Variants in FRMD4B observed in about 807,000 individuals in gnomAD.
The protein encoded by FRMD4B is FERM domain containing 4B.
Under a neutral mutation model 141.5 loss-of-function variants are expected in FRMD4B, and 74 were observed. That is an observed-to-expected ratio of 0.52 (90% confidence interval 0.43 to 0.63). The LOEUF is 0.63. Among genes scored for constraint, FRMD4B ranks in the 30% least tolerant of loss-of-function variants. The pLI, the probability that FRMD4B is intolerant of heterozygous loss-of-function variation, is 0.00. For synonymous variants in FRMD4B, 506 were observed against 467.9 expected, an observed-to-expected ratio of 1.08 and a Z score of -1.05; for missense variants, 1,366 against 1,253.4, an observed-to-expected ratio of 1.09 and a Z score of -1.36.
At chr3:69,507,248 A>G (rs1030376586) in intron 1 of FRMD4B, among the ~76,000 whole-genome samples, 2 of 152,172 alleles carry the variant, frequency 1.3e-5, no homozygotes, top group African/African-American at 4.8e-5. Context: ...ATCCAGAGTT[A>G]TTCAGTGAAA....
chr3:69,256,775 A>C (rs1272542730), intron 5 of FRMD4B, among the ~76,000 whole-genome samples: 1 of 152,184 alleles, frequency 6.6e-6, no homozygotes, highest in Non-Finnish European at 1.5e-5. Context: ...CCCCCTAGAA[A>C]GCCAGGCCAT....
rs528984917 is a variant in FRMD4B, at chr3:69,427,784, T to A, written c.-1+4850A>T. On this transcript the variant is annotated intron_variant, in intron 2 of 5. Coordinates refer to the FRMD4B transcript ENST00000459638. Reference sequence around the variant, plus strand: ...AATTCTCCTGCCTCAGCCTCCCAAGTAGCTGGGATTACAGGCATGTGCCAC... The same window carrying A: ...AATTCTCCTGCCTCAGCCTCCCAAGAAGCTGGGATTACAGGCATGTGCCAC... Among the ~76,000 whole-genome samples, 55 of 149,934 alleles carry A rather than the reference T, an allele frequency of 3.7e-4. No individual in the cohort carries two copies. The East Asian group carries it at 0.011, about 29-fold the overall frequency.
At chr3:69,275,007 T>C (rs111719346) in intron 5 of FRMD4B, among the ~76,000 whole-genome samples, 1 of 152,310 alleles carries the variant, frequency 6.6e-6, no homozygotes, top group African/African-American at 2.4e-5. Context: ...GGCTGCATAC[T>C]GATTCTTAAA....
At chr3:69,181,871 C>CT (rs2092712049) in intron 20 of FRMD4B, among the ~76,000 whole-genome samples, 161 bp from the exon 21 acceptor site, 1 of 152,136 alleles carries the variant, frequency 6.6e-6, no homozygotes, top group African/African-American at 2.4e-5. Flanking sequence ...TTCTCCAAAT[C>CT]TGTTGGCTCA....
At chr3:69,438,109 C>T (rs2106853967) in intron 1 of FRMD4B, among the ~76,000 whole-genome samples, 1 of 146,264 alleles carries the variant, frequency 6.8e-6, no homozygotes, top group East Asian at 2.0e-4. Flanking sequence ...ATAGTATATA[C>T]ATATATACTG....
intron 5 of FRMD4B, among the ~76,000 whole-genome samples, chr3:69,260,656 G>A (rs2093520948): frequency 6.6e-6 from 1 of 152,258 alleles, no homozygotes; most frequent in African/African-American, 2.4e-5. Flanking sequence ...TGCGGGACTG[G>A]CGGGAAACTC....
intron 1 of FRMD4B, among the ~76,000 whole-genome samples, chr3:69,455,343 C>G (rs558310852): frequency 2.6e-5 from 4 of 152,186 alleles, no homozygotes; most frequent in Non-Finnish European, 5.9e-5. Flanking sequence ...TTTGCAGTTG[C>G]TTGTTATTTG....
intron 1 of FRMD4B, among the ~76,000 whole-genome samples, chr3:69,354,793 A>G (rs1326258022): frequency 1.3e-5 from 2 of 152,160 alleles, no homozygotes; most frequent in Non-Finnish European, 2.9e-5. Flanking sequence ...TATGACCACA[A>G]TATACTGTCT....
intron 1 of FRMD4B, among the ~76,000 whole-genome samples, chr3:69,503,928 A>G (rs777892648): frequency 2.0e-5 from 3 of 152,220 alleles, no homozygotes; most frequent in African/African-American, 4.8e-5. Context: ...CACTACATCC[A>G]GTCAAACACT....
At chr3:69,339,448 T>G (rs1211279426) in intron 1 of FRMD4B, among the ~76,000 whole-genome samples, 3 of 152,134 alleles carry the variant, frequency 2.0e-5, no homozygotes, top group Non-Finnish European at 2.9e-5. Context: ...ATATGGATAA[T>G]GACAGTATCT....
At chr3:69,474,204 G>T (rs1397315350) in intron 1 of FRMD4B, among the ~76,000 whole-genome samples, 1 of 152,134 alleles carries the variant, frequency 6.6e-6, no homozygotes, top group African/African-American at 2.4e-5. Context: ...ACCTGTTTTA[G>T]CAAACCAAAG....
At chr3:69,502,342 C>A (rs1008422905) in intron 1 of FRMD4B, among the ~76,000 whole-genome samples, 3 of 152,076 alleles carry the variant, frequency 2.0e-5, no homozygotes, top group African/African-American at 4.8e-5. Context: ...AGATATAGAC[C>A]AATGGAACAG....
At chr3:69,441,496 C>T (rs1185295061) in intron 1 of FRMD4B, among the ~76,000 whole-genome samples, 1 of 152,162 alleles carries the variant, frequency 6.6e-6, no homozygotes, top group Admixed American at 6.5e-5. Flanking sequence ...CTCCAACCAT[C>T]CGTAATGACA....
chr3:69,216,429 CTTTT>C (rs397990009), intron 10 of FRMD4B, 80 bp from the exon 11 acceptor site: 2,276 of 378,562 alleles, frequency 6.0e-3, no homozygotes, highest in East Asian at 7.4e-3. Context: ...AATTTCACCT[CTTTT>C]TTTTTTTTTT....
intron 2 of FRMD4B, among the ~76,000 whole-genome samples, chr3:69,428,420 G>C (rs549091028): frequency 6.7e-6 from 1 of 149,966 alleles, no homozygotes; most frequent in African/African-American, 2.4e-5. Flanking sequence ...AGAACTAGGA[G>C]GTACTATGAT....
In FRMD4B at chr3:69,502,679, A is replaced by T. The variant is rs1188251237; in HGVS notation, c.-129+39527T>A. 2.6e-5 allele frequency among the ~76,000 whole-genome samples: 4 copies of T among 152,174 alleles called. No individual in the cohort carries two copies. The East Asian group carries it at 7.7e-4, about 29-fold the overall frequency. ...ATGGCAACAAAAGCCAAAATTGACA[A>T]ATGGGGTCTAATTAAACTAAAGAGC... On this transcript the variant is annotated intron_variant, in intron 1 of 5. Coordinates refer to the FRMD4B transcript ENST00000459638.
chr3:69,410,055 A>C (rs1704727098), intron 2 of FRMD4B, among the ~76,000 whole-genome samples: 1 of 152,148 alleles, frequency 6.6e-6, no homozygotes, highest in Non-Finnish European at 1.5e-5. Flanking sequence ...CCTTTCCTCA[A>C]ATGGCTCAGA....
At chr3:69,391,461 A>C (rs932304217) in intron 2 of FRMD4B, among the ~76,000 whole-genome samples, 2 of 131,108 alleles carry the variant, frequency 1.5e-5, no homozygotes, top group Non-Finnish European at 3.1e-5. Context: ...AAGTGTTCCC[A>C]CTGTTCAATT....
intron 1 of FRMD4B, among the ~76,000 whole-genome samples, chr3:69,363,823 T>G (rs1021235176): frequency 4.6e-5 from 7 of 152,194 alleles, no homozygotes; most frequent in African/African-American, 1.7e-4. Flanking sequence ...CAACCACAGC[T>G]TCAAAACCAG....
Sources: allele counts gnomAD v4.1 joint callset (sites outside exome capture counted in the v4.1 genomes callset), GRCh38; gene constraint gnomAD v4.1.1; transcripts MANE v1.5; gene names NCBI Gene and HGNC (gene_info 2026-07-23, HGNC 2026-07-21).